The following PSD3 variants were observed in gnomAD, a reference collection of about 807,000 sequenced individuals.
PSD3 encodes the protein pleckstrin and Sec7 domain containing 3.
In PSD3, 49 loss-of-function variants were observed where a neutral mutation model predicts 105.5. That is an observed-to-expected ratio of 0.46 (90% CI 0.37 to 0.59). The LOEUF (loss-of-function observed/expected upper bound fraction) is 0.59, where lower values mean the gene tolerates loss of function less well. Ranked by LOEUF, PSD3 falls within the 20% of genes least tolerant of loss-of-function variation. PSD3 has a pLI of 0.00. For missense variants in PSD3, 1,561 were observed against 1,263.8 expected, an observed-to-expected ratio of 1.24 and a Z score of -3.57; for synonymous variants, 557 against 457.8, an observed-to-expected ratio of 1.22 and a Z score of -2.77.
At chr8:18,575,337 C>T (rs752669390) in intron 12 of PSD3, 52 bp from the exon 13 acceptor site, 26 of 1,445,962 alleles carry the variant, frequency 1.8e-5, no homozygotes, top group Non-Finnish European at 2.4e-5. Context: ...CAGATTTCAA[C>T]TTAATTTTTT....
intron 9 of PSD3, among the ~76,000 whole-genome samples, chr8:18,741,934 A>G (rs563442720): frequency 1.2e-4 from 18 of 152,326 alleles, no homozygotes; most frequent in Admixed American, 3.3e-4. Flanking sequence ...AAAAGATTTA[A>G]AAATAGCTGG....
intron 9 of PSD3, among the ~76,000 whole-genome samples, chr8:18,701,550 A>G (rs9650595): frequency 0.83 from 126,885 of 152,126 alleles, 54,425 homozygotes; most frequent in Non-Finnish European, 0.96. Flanking sequence ...ATTGCAGTCC[A>G]GTTAAACCAA....
At chr8:18,617,304 G>C (rs928558435) in intron 11 of PSD3, among the ~76,000 whole-genome samples, 2 of 152,166 alleles carry the variant, frequency 1.3e-5, no homozygotes, top group Non-Finnish European at 2.9e-5. Context: ...GCTGAGGTGG[G>C]TGAATCACCT....
At chr8:18,951,697 G>A (rs1452338413) in intron 1 of PSD3, among the ~76,000 whole-genome samples, 1 of 151,966 alleles carries the variant, frequency 6.6e-6, no homozygotes, top group African/African-American at 2.4e-5. Context: ...ATAATACTGG[G>A]AAATGGGCCA....
chr8:18,665,698 T>G (rs1799410643), intron 9 of PSD3, among the ~76,000 whole-genome samples: 1 of 152,180 alleles, frequency 6.6e-6, no homozygotes, highest in Non-Finnish European at 1.5e-5. Flanking sequence ...TGAAAGAGTC[T>G]ACAGCTGGGT....
intron 1 of PSD3, among the ~76,000 whole-genome samples, chr8:19,049,465 G>C (rs1307554302): frequency 6.6e-6 from 1 of 152,124 alleles, no homozygotes; most frequent in African/African-American, 2.4e-5. Flanking sequence ...CACGGCAGGA[G>C]AAATGCTTGA....
In PSD3 at chr8:18,867,956, T is replaced by G. The variant is rs747352534; in HGVS notation, c.1352A>C (p.Asn451Thr). Reference protein sequence around the residue: ...YSSQFETILDNTSLYYSAESL... With the variant: ...YSSQFETILDTTSLYYSAESL... ...CTCTGCACTGTAGTATAAAGAAGTG[T>G]TGTCCAAAATGGTTTCAAACTGGGA... is the stretch of plus-strand genomic sequence containing the variant. Residue 451 changes from asparagine (N) to threonine (T), a missense_variant, in exon 4 of 16, where the codon AAC becomes ACC. Asn to Thr is a moderately conservative substitution (Grantham distance 65). Coordinates refer to ENST00000327040, the MANE Select transcript of PSD3 (RefSeq NM_015310.4). The G allele has an allele frequency of 7.4e-6, 12 of 1,614,066 alleles. No homozygotes were observed. Among genetic ancestry groups the G allele is most frequent in the Middle Eastern group, 1.6e-4 (1 of 6,084 alleles).
At chr8:18,658,890 G>T (rs756032988) in intron 9 of PSD3, among the ~76,000 whole-genome samples, 1 of 152,050 alleles carries the variant, frequency 6.6e-6, no homozygotes, top group Non-Finnish European at 1.5e-5. Context: ...CCAACCATCT[G>T]CAGTCCTTGT....
At chr8:19,031,114 C>G (rs1197595996) in intron 1 of PSD3, among the ~76,000 whole-genome samples, 1 of 152,186 alleles carries the variant, frequency 6.6e-6, no homozygotes, top group African/African-American at 2.4e-5. Flanking sequence ...CACCTACAAT[C>G]TGCAAGACAG....
chr8:18,808,437 C>T (rs1228825903), intron 4 of PSD3, among the ~76,000 whole-genome samples: 2 of 152,180 alleles, frequency 1.3e-5, no homozygotes, highest in Admixed American at 1.3e-4. Context: ...AATTTATTAC[C>T]CAAAATCATT....
Position 18,674,070 on chromosome 8 carries a change from C to T in PSD3, c.2173-18385G>A, listed in dbSNP as rs182955377. ...AGGACTTGGGAGGATTCCTTGAGCC[C>T]AGGAAGTGGAGGGTGCAGTGAGCAG... On this transcript the variant is annotated intron_variant, in intron 9 of 15. Transcript: ENST00000327040. 1.3e-3 allele frequency among the ~76,000 whole-genome samples: 194 copies of T among 152,062 alleles called. 1 individual carries two copies. The highest frequency in any genetic ancestry group is 4.5e-3 in the African/African-American group (185 of 41,480).
intron 12 of PSD3, among the ~76,000 whole-genome samples, chr8:18,580,786 G>C (rs1240832229): frequency 6.6e-6 from 1 of 152,130 alleles, no homozygotes; most frequent in Non-Finnish European, 1.5e-5. Flanking sequence ...CTGCTTTCTA[G>C]ACCCTAAAGA....
At chr8:18,788,935 G>C (rs1309191085) in intron 8 of PSD3, among the ~76,000 whole-genome samples, 3 of 152,088 alleles carry the variant, frequency 2.0e-5, no homozygotes, top group African/African-American at 7.2e-5. Context: ...GGGGGGCAAA[G>C]GAGGACCCTT....
chr8:18,807,576 A>G (rs892082947), intron 4 of PSD3, among the ~76,000 whole-genome samples: 3 of 152,232 alleles, frequency 2.0e-5, no homozygotes, highest in African/African-American at 4.8e-5. Context: ...GTAATAGTTC[A>G]GTTATTAAAA....
intron 9 of PSD3, among the ~76,000 whole-genome samples, chr8:18,752,608 A>AAT (rs1805674897): frequency 3.0e-5 from 2 of 66,412 alleles, no homozygotes; most frequent in African/African-American, 7.1e-5. Context: ...TATTATATAT[A>AAT]ATACATATAA....
rs199980710 is a variant in PSD3, at chr8:18,872,420, T to C, written c.444A>G (p.Gly148=). ...LKATEARIIS[G]TLQATKVLDQ... ...CCAGTACCTTTGTAGCCTGTAATGT[T>C]CCGGAAATGATTCTGGCTTCTGTGG... Residue 148 remains glycine (G), a synonymous_variant, in exon 3 of 16, where the codon GGA becomes GGG. Coordinates refer to ENST00000327040, the MANE Select transcript of PSD3 (RefSeq NM_015310.4). The C allele has an allele frequency of 4.3e-6, 7 of 1,614,142 alleles. No homozygotes were observed. The East Asian group carries it at 1.6e-4, about 36-fold the overall frequency.
chr8:18,908,443 G>C (rs1043164066), intron 2 of PSD3, among the ~76,000 whole-genome samples: 3 of 152,122 alleles, frequency 2.0e-5, no homozygotes, highest in African/African-American at 7.2e-5. Flanking sequence ...TGCTTTCCAT[G>C]TATTCAAATA....
At chr8:18,894,151 T>G (rs760075104) in intron 2 of PSD3, among the ~76,000 whole-genome samples, 5 of 152,216 alleles carry the variant, frequency 3.3e-5, no homozygotes, top group Non-Finnish European at 5.9e-5. Context: ...TACCATGTGA[T>G]TTGGGCCAGT....
chr8:19,068,356 C>T (rs1452364748), intron 1 of PSD3, among the ~76,000 whole-genome samples: 1 of 151,484 alleles, frequency 6.6e-6, no homozygotes, highest in Non-Finnish European at 1.5e-5. Context: ...ATGGCATGAT[C>T]CTGACTCACT....
Sources: gnomAD v4.1 joint callset for allele counts (sites outside exome capture counted in the v4.1 genomes callset) on GRCh38, gnomAD v4.1.1 for gene constraint, MANE v1.5 for transcripts, NCBI Gene and HGNC (gene_info 2026-07-23, HGNC 2026-07-21) for gene names.